Variants in CREBRF observed in about 807,000 individuals in gnomAD.
CREBRF encodes the protein UPF0474 protein C5orf41.
In CREBRF, 5 loss-of-function variants were observed where a neutral mutation model predicts 66.1. The observed-to-expected ratio is 0.08, with a 90% CI of 0.04 to 0.16. The LOEUF (loss-of-function observed/expected upper bound fraction) is 0.16. Ranked by LOEUF, CREBRF falls within the 10% of genes least tolerant of loss-of-function variation. CREBRF has a pLI of 1.00. For missense variants in CREBRF, 531 were observed against 744.9 expected (o/e 0.71, Z 3.34); for synonymous variants, 229 against 264.4 (o/e 0.87, Z 1.30).
In CREBRF at chr5:173,091,132, G is replaced by C. The variant is rs1192093785; in HGVS notation, c.953G>C (p.Ser318Thr). Residue 318 changes from serine (S) to threonine (T), a missense_variant, in exon 4 of 9, where the codon AGT (serine) becomes ACT (threonine). Physicochemically the swap from Ser to Thr is moderately conservative, Grantham distance 58 (BLOSUM62 1). Transcript: ENST00000296953. ...PGSLAAGESS[S>T]LSASTSVSDS... is the part of the protein sequence containing the mutation. ...TCACTTGCAGCAGGAGAGAGCAGCA[G>C]TCTTTCTGCCAGTACATCAGTCTCA... is the stretch of plus-strand genomic sequence containing the variant. 1 of 1,614,208 alleles carries C rather than the reference G, an allele frequency of 6.2e-7. No individual in the cohort carries two copies. The highest frequency in any genetic ancestry group is 1.7e-5 in the Admixed American group (1 of 60,024).
At chr5:173,103,332 T>G (rs1758673204) in intron 4 of CREBRF, among the ~76,000 whole-genome samples, 1 of 152,208 alleles carries the variant, frequency 6.6e-6, no homozygotes, top group Non-Finnish European at 1.5e-5. Context: ...ACCACAAAAT[T>G]GTGTTAATTT....
Position 173,118,920 on chromosome 5 carries a change from T to A in CREBRF, c.1682-4160T>A, listed in dbSNP as rs973797742. 3.3e-5 allele frequency among the ~76,000 whole-genome samples: 5 copies of A among 151,850 alleles called. No homozygotes were observed. In the South Asian group the frequency reaches 1.0e-3, roughly 32 times the overall value. On this transcript the variant is annotated intron_variant, in intron 7 of 8. Coordinates refer to ENST00000296953, the MANE Select transcript of CREBRF (RefSeq NM_153607.3). ...AAGAAAAAAAGATTAAAAAAAAACA[T>A]AGATGGGGTCTCGCTGTCTTGCCTC...
intron 1 of CREBRF, among the ~76,000 whole-genome samples, chr5:173,062,958 G>A (rs968316977): frequency 4.6e-5 from 7 of 151,712 alleles, no homozygotes; most frequent in African/African-American, 9.7e-5. Flanking sequence ...CGTTTTAGCC[G>A]GGATGGTCTC....
At chr5:173,087,791 C>A (rs1404573716) in intron 3 of CREBRF, among the ~76,000 whole-genome samples, 1 of 152,098 alleles carries the variant, frequency 6.6e-6, no homozygotes, top group African/African-American at 2.4e-5. Context: ...AATTTTTAAT[C>A]TTTAGTTTGA....
intron 1 of CREBRF, among the ~76,000 whole-genome samples, chr5:173,075,670 G>A (rs574074967): frequency 6.6e-6 from 1 of 152,176 alleles, no homozygotes; most frequent in African/African-American, 2.4e-5. Flanking sequence ...TATACACATT[G>A]TATAAGCTTT....
chr5:173,105,225 A>ATATGTG (rs1489940247), intron 4 of CREBRF, among the ~76,000 whole-genome samples: 1 of 146,546 alleles, frequency 6.8e-6, no homozygotes, highest in African/African-American at 2.5e-5. Flanking sequence ...GTGTGTATAT[A>ATATGTG]TGTGTGTGTG....
intron 1 of CREBRF, among the ~76,000 whole-genome samples, chr5:173,063,326 T>G (rs1018372251): frequency 6.6e-6 from 1 of 152,174 alleles, no homozygotes; most frequent in Non-Finnish European, 1.5e-5. Flanking sequence ...TATTACTGAT[T>G]TTGAGAATTT....
At chr5:173,065,211 T>A (rs1456175783) in intron 1 of CREBRF, among the ~76,000 whole-genome samples, 1 of 152,138 alleles carries the variant, frequency 6.6e-6, no homozygotes, top group Non-Finnish European at 1.5e-5. Flanking sequence ...AAAGTGGTGT[T>A]TGAACTTAGT....
At chr5:173,103,653 A>ACCTTTCC (rs1252976776) in intron 4 of CREBRF, among the ~76,000 whole-genome samples, 3 of 152,136 alleles carry the variant, frequency 2.0e-5, no homozygotes, top group Non-Finnish European at 4.4e-5. Context: ...TGCAAAATGG[A>ACCTTTCC]GTTTTAGTCT....
chr5:173,066,453 G>A (rs188680972), intron 1 of CREBRF, among the ~76,000 whole-genome samples: 51 of 151,850 alleles, frequency 3.4e-4, no homozygotes, highest in African/African-American at 1.2e-3. Flanking sequence ...TAGTATTCTC[G>A]GTAGTTGTCT....
intron 8 of CREBRF, among the ~76,000 whole-genome samples, chr5:173,129,176 G>A (rs1410334983): frequency 7.3e-6 from 1 of 137,070 alleles, no homozygotes; most frequent in Non-Finnish European, 1.5e-5. Flanking sequence ...GAGTGCAGTG[G>A]CGCGATCTCG....
Position 173,134,420 on chromosome 5 carries a change from T to A in CREBRF, c.*675T>A. Reference sequence around the variant, plus strand: ...AACCCTAATGAGAAAAAACAAGATATATAGATGGAAAAATTATGGGGTTTA... The same window carrying A: ...AACCCTAATGAGAAAAAACAAGATAAATAGATGGAAAAATTATGGGGTTTA... On this transcript the variant is annotated 3_prime_UTR_variant, in exon 9 of 9. Coordinates refer to ENST00000296953, the MANE Select transcript of CREBRF (RefSeq NM_153607.3). 1 of 319,840 alleles carries A rather than the reference T, an allele frequency of 3.1e-6. No individual in the cohort carries two copies. The allele number at this position is 319,840 out of a possible 1,614,324, so 19.8% of individuals were successfully genotyped here. A position where few individuals can be genotyped will look rare whatever the true frequency, so the allele number is the denominator to read the frequency against.
chr5:173,070,679 T>TA (rs1194254159), intron 1 of CREBRF, among the ~76,000 whole-genome samples: 1 of 151,994 alleles, frequency 6.6e-6, no homozygotes, highest in Non-Finnish European at 1.5e-5. Flanking sequence ...TCTTGGAAAT[T>TA]AAAAAAAATT....
chr5:173,100,499 A>AC (rs1293015741), intron 4 of CREBRF, among the ~76,000 whole-genome samples: 2 of 151,378 alleles, frequency 1.3e-5, no homozygotes, highest in Non-Finnish European at 2.9e-5. Context: ...ATCTCAGCTC[A>AC]CTGCAACTCC....
chr5:173,115,406 T>A (rs1164073482), intron 7 of CREBRF, among the ~76,000 whole-genome samples: 1 of 151,256 alleles, frequency 6.6e-6, no homozygotes, highest in Non-Finnish European at 1.5e-5. Flanking sequence ...TGTGTCTGAC[T>A]GTGTTTTCTC....
At chr5:173,072,592 C>CTT (rs76691654) in intron 1 of CREBRF, among the ~76,000 whole-genome samples, 27 of 135,630 alleles carry the variant, frequency 2.0e-4, no homozygotes, top group Non-Finnish European at 3.2e-4. Context: ...CTGATTTTTA[C>CTT]TTTTTTTTTT....
At chr5:173,064,588 C>CA (rs200327149) in intron 1 of CREBRF, among the ~76,000 whole-genome samples, 8,010 of 129,862 alleles carry the variant, frequency 0.062, 461 homozygotes, top group Non-Finnish European at 0.074. Context: ...TTTTTTGAGA[C>CA]AGAGTCTCGC....
At chr5:173,096,892 T>A (rs1398200958) in intron 4 of CREBRF, among the ~76,000 whole-genome samples, 1 of 152,210 alleles carries the variant, frequency 6.6e-6, no homozygotes, top group Non-Finnish European at 1.5e-5. Context: ...AGTCTGTTAA[T>A]GTGGCATATC....
intron 2 of CREBRF, among the ~76,000 whole-genome samples, chr5:173,081,152 T>G (rs1757928751): frequency 6.6e-6 from 1 of 152,190 alleles, no homozygotes; most frequent in Non-Finnish European, 1.5e-5. Context: ...TAGCTGAATT[T>G]AGAAGTAATT....
Sources: gnomAD v4.1 joint callset for allele counts (sites outside exome capture counted in the v4.1 genomes callset) on GRCh38, gnomAD v4.1.1 for gene constraint, MANE v1.5 for transcripts, NCBI Gene and HGNC (gene_info 2026-07-23, HGNC 2026-07-21) for gene names.